Variants in DGKI observed in about 807,000 individuals in gnomAD.
DGKI encodes the protein DAG kinase iota.
DGKI carries 55 observed loss-of-function variants against 147.5 expected under a neutral mutation model. That is an observed-to-expected ratio of 0.37 (90% confidence interval 0.30 to 0.47). DGKI has a LOEUF of 0.47. Among genes scored for constraint, DGKI ranks in the 20% least tolerant of loss-of-function variants. The probability of loss-of-function intolerance (pLI) is 1.00; values close to 1 mark genes in which losing one functional copy is unlikely to be tolerated. For synonymous variants in DGKI, 469 were observed against 477.1 expected, an observed-to-expected ratio of 0.98 and a Z score of 0.22; for missense variants, 1,007 against 1,323.8, an observed-to-expected ratio of 0.76 and a Z score of 3.71.
rs188060674 is a variant in DGKI at position 137,771,016 on chromosome 7, T to C, written c.401+75446A>G. ...ATCTGTGTAATCGTCAGCTTCCATTTTGGTATAATTCTGCTTCTTATTCCC... is the reference window on the plus strand; with the variant it reads ...ATCTGTGTAATCGTCAGCTTCCATTCTGGTATAATTCTGCTTCTTATTCCC... On this transcript the variant is annotated intron_variant, in intron 1 of 32. Coordinates refer to ENST00000614521, the MANE Select transcript of DGKI (RefSeq NM_001321708.2). Among the ~76,000 whole-genome samples the C allele has an allele frequency of 5.7e-3, 866 of 152,344 alleles. 6 individuals carry two copies. The highest frequency in any genetic ancestry group is 1.0e-2 in the Non-Finnish European group (678 of 68,032).
At chr7:137,555,245 G>T (rs116234540) in intron 19 of DGKI, among the ~76,000 whole-genome samples, 1 of 151,234 alleles carries the variant, frequency 6.6e-6, no homozygotes, top group African/African-American at 2.4e-5. Flanking sequence ...AATAAGAAAT[G>T]GCCAGGTGCA....
chr7:137,503,430 T>C (rs1164477895), intron 21 of DGKI, among the ~76,000 whole-genome samples: 1 of 152,054 alleles, frequency 6.6e-6, no homozygotes, highest in Non-Finnish European at 1.5e-5. Context: ...AAACCAAACA[T>C]AAAACAAAAC....
Position 137,572,832 on chromosome 7 carries a change from C to T in DGKI, c.1768G>A (p.Gly590Arg). The change falls in exon 18 of 33, where the codon GGA (glycine) becomes AGA (arginine). Residue 590 changes from glycine to arginine, a missense_variant. Physicochemically the swap from Gly to Arg is moderately radical, Grantham distance 125. Around this residue, in one of 5 missense-constraint regions of DGKI, gnomAD observed 224 missense variants for 382.7 expected, o/e 0.59. Coordinates refer to ENST00000614521, the MANE Select transcript of DGKI (RefSeq NM_001321708.2). ...LSKHVKVVCD[G>R]TDLTPKIQEL... ...TGAATCTTTGGGGTGAGATCTGTTC[C>T]ATCACACTGAAACAATGAAAACAGA... is the stretch of plus-strand genomic sequence containing the variant. 1 of 1,608,828 alleles carries T rather than the reference C, an allele frequency of 6.2e-7. No homozygotes were observed. Among genetic ancestry groups the T allele is most frequent in the Non-Finnish European group, 8.5e-7 (1 of 1,178,256 alleles).
chr7:137,814,464 C>G (rs929923461), intron 1 of DGKI, among the ~76,000 whole-genome samples: 1 of 152,130 alleles, frequency 6.6e-6, no homozygotes, highest in Non-Finnish European at 1.5e-5. Flanking sequence ...TCCCACCCAT[C>G]TATGTTTTGG....
chr7:137,420,649 A>C (rs1241693234), intron 28 of DGKI, among the ~76,000 whole-genome samples: 4 of 151,550 alleles, frequency 2.6e-5, no homozygotes, highest in African/African-American at 9.7e-5. Flanking sequence ...AAGCAGGGGG[A>C]AGACCAGGCA....
chr7:137,590,076 A>G (rs1054354529), intron 12 of DGKI, among the ~76,000 whole-genome samples: 2 of 152,160 alleles, frequency 1.3e-5, no homozygotes, highest in African/African-American at 4.8e-5. Flanking sequence ...CAGAAAAAAA[A>G]TACAAAGTGG....
chr7:137,548,468 C>T (rs1037583498), intron 20 of DGKI, among the ~76,000 whole-genome samples: 4 of 152,060 alleles, frequency 2.6e-5, no homozygotes, highest in Non-Finnish European at 4.4e-5. Context: ...ACTCTGAGTT[C>T]ATGTGAGAAT....
chr7:137,704,403 T>C, intron 1 of DGKI, among the ~76,000 whole-genome samples: 1 of 152,014 alleles, frequency 6.6e-6, no homozygotes, highest in Admixed American at 6.6e-5. Flanking sequence ...GGACAGCAGA[T>C]TGAAGCTGAT....
intron 1 of DGKI, among the ~76,000 whole-genome samples, chr7:137,758,290 C>A (rs1795749296): frequency 6.6e-6 from 1 of 152,150 alleles, no homozygotes; most frequent in African/African-American, 2.4e-5. Context: ...AGTGGTAGCT[C>A]CAGCATCCAT....
chr7:137,522,921 G>T (rs1290239751), intron 20 of DGKI, among the ~76,000 whole-genome samples: 1 of 148,708 alleles, frequency 6.7e-6, no homozygotes, highest in Admixed American at 6.7e-5. Context: ...TCATACAGAG[G>T]CTTCTCTTTT....
chr7:137,723,265 A>T (rs748479691), intron 1 of DGKI, among the ~76,000 whole-genome samples: 1 of 152,228 alleles, frequency 6.6e-6, no homozygotes, highest in Admixed American at 6.5e-5. Flanking sequence ...TGATTAAAGC[A>T]CTAAAGTGAC....
intron 1 of DGKI, among the ~76,000 whole-genome samples, chr7:137,826,392 A>G (rs1798058341): frequency 2.0e-5 from 3 of 152,286 alleles, no homozygotes; most frequent in Admixed American, 1.3e-4. Context: ...TTCCTCCACA[A>G]TGTTGCACTC....
intron 1 of DGKI, among the ~76,000 whole-genome samples, chr7:137,734,188 G>T (rs1291426557): frequency 6.6e-6 from 1 of 152,036 alleles, no homozygotes; most frequent in Admixed American, 6.6e-5. Context: ...GAATACAACA[G>T]AAGTATTGGG....
At chr7:137,711,725 C>T (rs1434420651) in intron 1 of DGKI, among the ~76,000 whole-genome samples, 9 of 130,554 alleles carry the variant, frequency 6.9e-5, no homozygotes, top group Non-Finnish European at 1.1e-4. Flanking sequence ...GACGGAGTCT[C>T]GCTCTGTCAC....
Position 137,391,221 on chromosome 7 carries a change from C to A in DGKI, c.3173G>T (p.Ter1058LeuextTer63). Residue 1058 changes from the stop codon to leucine (L), a stop_lost, in exon 33 of 33, where the codon TGA becomes TTA. Transcript: ENST00000614521. ...IGHEDLETAV[*>L] ...GTCCTCTTTGCCCGAATACCAGGGT[C>A]AAACAGCAGTTTCCAGGTCCTCATG... 6.2e-7 allele frequency: 1 copy of A among 1,613,100 alleles called. No individual in the cohort carries two copies. Among genetic ancestry groups the A allele is most frequent in the South Asian group, 1.1e-5 (1 of 91,030 alleles).
rs149489331 is a variant in DGKI, at chr7:137,433,976, G to A, written c.2761+10101C>T. Reference sequence around the variant, plus strand: ...CTAGTAAAAAACACAAAAATTAGCCGGCCATGGTAGCACACACCTGTAATT... The same window carrying A: ...CTAGTAAAAAACACAAAAATTAGCCAGCCATGGTAGCACACACCTGTAATT... On this transcript the variant is annotated intron_variant, in intron 28 of 32. Transcript: ENST00000614521. 7.2e-3 allele frequency among the ~76,000 whole-genome samples: 1,102 copies of A among 152,002 alleles called. 9 individuals carry two copies. Among genetic ancestry groups the A allele is most frequent in the Middle Eastern group, 0.068 (20 of 294 alleles).
At chr7:137,451,453 C>A (rs1813951544) in intron 27 of DGKI, among the ~76,000 whole-genome samples, 1 of 152,192 alleles carries the variant, frequency 6.6e-6, no homozygotes, top group African/African-American at 2.4e-5. Context: ...TGCCTTCAAT[C>A]CACAAATTTT....
At chr7:137,558,360 A>G (rs1192303756) in intron 19 of DGKI, among the ~76,000 whole-genome samples, 1 of 152,062 alleles carries the variant, frequency 6.6e-6, no homozygotes, top group Non-Finnish European at 1.5e-5. Flanking sequence ...GCTGACTGCA[A>G]CCTCTGCCTC....
At chr7:137,737,043 G>A (rs1328921772) in intron 1 of DGKI, among the ~76,000 whole-genome samples, 4 of 151,842 alleles carry the variant, frequency 2.6e-5, no homozygotes, top group Non-Finnish European at 4.4e-5. Context: ...CGAAAAATTG[G>A]ACGGAAAACT....
Sources: gnomAD v4.1 joint callset for allele counts (sites outside exome capture counted in the v4.1 genomes callset) on GRCh38, gnomAD v4.1.1 for gene constraint, gnomAD v4.1.1 regional missense constraint, MANE v1.5 for transcripts, NCBI Gene and HGNC (gene_info 2026-07-23, HGNC 2026-07-21) for gene names.